Variants in DCN observed in about 807,000 individuals in gnomAD.
DCN encodes bone proteoglycan II.
DCN carries 17 observed loss-of-function variants against 36.5 expected under a neutral mutation model. That is an observed-to-expected ratio of 0.47 (90% CI 0.32 to 0.70). The LOEUF (loss-of-function observed/expected upper bound fraction) is 0.70. DCN is among the 30% of genes least tolerant of loss of function. DCN has a pLI of 0.04. For synonymous variants in DCN, 163 were observed against 161.4 expected (o/e 1.01, Z -0.07); for missense variants, 389 against 430.1 (o/e 0.90, Z 0.84).
At chr12:91,155,018 G>C (rs982495654) in intron 5 of DCN, among the ~76,000 whole-genome samples, 1 of 152,078 alleles carries the variant, frequency 6.6e-6, no homozygotes, top group Non-Finnish European at 1.5e-5. Context: ...TGAGTGATGG[G>C]AGAAAATATC....
intron 2 of DCN, among the ~76,000 whole-genome samples, chr12:91,174,665 T>C (rs552255986): frequency 2.6e-5 from 4 of 152,104 alleles, no homozygotes; most frequent in Admixed American, 6.6e-5. Context: ...GTTTTGAAAG[T>C]TTCAAGGTTA....
intron 1 of DCN, among the ~76,000 whole-genome samples, chr12:91,182,374 A>T (rs1165518423): frequency 1.3e-5 from 2 of 152,100 alleles, no homozygotes; most frequent in African/African-American, 4.8e-5. Flanking sequence ...AAACACAAAA[A>T]CATTAATATA....
At chr12:91,167,402 A>T (rs1160957788) in intron 2 of DCN, among the ~76,000 whole-genome samples, 1 of 152,002 alleles carries the variant, frequency 6.6e-6, no homozygotes, top group Non-Finnish European at 1.5e-5. Flanking sequence ...TCAAAATAAA[A>T]AAAAAACAAT....
At position 91,153,190 on chromosome 12, in the gene DCN, C is replaced by A; in HGVS notation, c.653-1G>T. The A allele has an allele frequency of 6.4e-7, 1 of 1,556,774 alleles. No individual in the cohort carries two copies. Among genetic ancestry groups the A allele is most frequent in the Non-Finnish European group, 8.9e-7 (1 of 1,128,008 alleles). On this transcript the variant is annotated splice_acceptor_variant, in intron 5 of 7. Transcript: ENST00000052754. LOFTEE classifies it high-confidence loss of function. ...AATTCCGTAAGGGAAGGAGGAAGAC[C>A]TGGAATGTGGAATTAAAGATGTTAA... is the stretch of plus-strand genomic sequence containing the variant.
chr12:91,167,085 G>T (rs992057949), intron 2 of DCN, among the ~76,000 whole-genome samples: 7 of 152,094 alleles, frequency 4.6e-5, no homozygotes, highest in Non-Finnish European at 1.0e-4. Flanking sequence ...ATGACAAAAT[G>T]TGGATTAGAT....
At chr12:91,159,889 G>A (rs539401709) in intron 3 of DCN, among the ~76,000 whole-genome samples, 4 of 151,958 alleles carry the variant, frequency 2.6e-5, no homozygotes, top group East Asian at 3.9e-4. Flanking sequence ...TATATGTTTC[G>A]CATATATGAA....
chr12:91,146,019 G>C lies in DCN; in HGVS notation c.*39C>G. 6.6e-7 allele frequency: 1 copy of C among 1,517,734 alleles called. No individual in the cohort carries two copies. The highest frequency in any genetic ancestry group is 1.1e-5 in the South Asian group (1 of 89,070). 94.0% of individuals were successfully genotyped at this position (1,517,734 alleles called of 1,614,324 possible). On this transcript the variant is annotated 3_prime_UTR_variant, in exon 8 of 8. Coordinates refer to ENST00000052754, the MANE Select transcript of DCN (RefSeq NM_001920.5). Reference sequence around the variant, plus strand: ...TATTTTTTAGCAATGACATTAACAAGATTTTGCCAGGTTATAAAAATGAGG... The same window carrying C: ...TATTTTTTAGCAATGACATTAACAACATTTTGCCAGGTTATAAAAATGAGG...
intron 2 of DCN, among the ~76,000 whole-genome samples, chr12:91,165,474 T>G (rs1882497897): frequency 6.6e-6 from 1 of 152,174 alleles, no homozygotes; most frequent in Non-Finnish European, 1.5e-5. Context: ...AATTACCAAA[T>G]GGTCCTGGTA....
chr12:91,178,721 C>A, intron 1 of DCN, 136 bp from the exon 2 acceptor site: 2 of 667,622 alleles, frequency 3.0e-6, no homozygotes, highest in Middle Eastern at 3.5e-4. Flanking sequence ...GGAAGCAGAG[C>A]ATTAAAAATG....
chr12:91,167,052 T>C (rs1000231170), intron 2 of DCN, among the ~76,000 whole-genome samples: 2 of 152,200 alleles, frequency 1.3e-5, no homozygotes, highest in African/African-American at 4.8e-5. Context: ...TTTCATAACA[T>C]GAACAAGCTT....
At position 91,180,551 on chromosome 12, in the gene DCN, T is replaced by G. The variant is rs537645176; in HGVS notation, c.-33-1966A>C. Reference sequence around the variant, plus strand: ...TCTTAGTTTATATTTACTACTGATATGTGTCTAAGGCAGCACATGTTGAAT... The same window carrying G: ...TCTTAGTTTATATTTACTACTGATAGGTGTCTAAGGCAGCACATGTTGAAT... On this transcript the variant is annotated intron_variant, in intron 1 of 7. Coordinates refer to ENST00000052754, the MANE Select transcript of DCN (RefSeq NM_001920.5). 4 of 152,310 alleles carry G rather than the reference T, an allele frequency of 2.6e-5. No individual in the cohort carries two copies. In the South Asian group the frequency reaches 8.3e-4, roughly 32 times the overall value. The allele number at this position is 152,310 out of a possible 1,614,324, so 9.4% of individuals were successfully genotyped here.
intron 2 of DCN, among the ~76,000 whole-genome samples, chr12:91,168,485 G>T (rs1882728358): frequency 1.3e-5 from 2 of 152,130 alleles, no homozygotes; most frequent in Admixed American, 1.3e-4. Context: ...GAGTAAGGAG[G>T]ACTAATTACT....
At position 91,143,918 on chromosome 12, in the gene DCN, C is replaced by A. The variant is rs1398552813; in HGVS notation, c.*2140G>T. The A allele has an allele frequency of 6.6e-6, 1 of 150,640 alleles. No individual in the cohort carries two copies. Among genetic ancestry groups the A allele is most frequent in the Non-Finnish European group, 1.5e-5 (1 of 67,802 alleles). 9.3% of individuals were successfully genotyped at this position (150,640 alleles called of 1,614,324 possible). Reference sequence around the variant, plus strand: ...TAAATATGGGGGGAAGTTGTGTTGACAAGAGTGCTGGAGAATCAGGCCTGT... The same window carrying A: ...TAAATATGGGGGGAAGTTGTGTTGAAAAGAGTGCTGGAGAATCAGGCCTGT... On this transcript the variant is annotated 3_prime_UTR_variant, in exon 8 of 8. Transcript: ENST00000052754.
In DCN at chr12:91,142,837, C is replaced by CA. The variant is rs568018288; in HGVS notation, c.*3220dup. The CA allele has an allele frequency of 3.3e-5, 5 of 151,694 alleles. No individual in the cohort carries two copies. The highest frequency in any genetic ancestry group is 5.9e-5 in the Non-Finnish European group (4 of 67,888). 9.4% of individuals were successfully genotyped at this position (151,694 alleles called of 1,614,324 possible). On this transcript the variant is annotated 3_prime_UTR_variant, in exon 8 of 8. Transcript: ENST00000052754. ...AATCGAACAACAGTTTTAATGAAAA[C>CA]AAAAAAATTAAACATTTAATAAGGA...
intron 5 of DCN, among the ~76,000 whole-genome samples, chr12:91,153,407 A>G (rs1881563007): frequency 6.6e-6 from 1 of 152,050 alleles, no homozygotes; most frequent in Non-Finnish European, 1.5e-5. Context: ...GTTGACTTTA[A>G]CAAAAACCTG....
At chr12:91,175,038 C>T (rs763911155) in intron 2 of DCN, 6 of 151,966 alleles carry the variant, frequency 3.9e-5, no homozygotes, top group Non-Finnish European at 8.8e-5. Flanking sequence ...AAAATCAGAA[C>T]GTTTTAAATT....
At chr12:91,169,937 GCCTGTAGT>G (rs1306931061) in intron 2 of DCN, 1 of 151,982 alleles carries the variant, frequency 6.6e-6, no homozygotes, top group Non-Finnish European at 1.5e-5. Flanking sequence ...GGTGGTGGGT[GCCTGTAGT>G]CCCAGCTACT....
Position 91,143,748 on chromosome 12 carries a change from G to T in DCN, c.*2310C>A, listed in dbSNP as rs770625608. On this transcript the variant is annotated 3_prime_UTR_variant, in exon 8 of 8. Transcript: ENST00000052754. The stretch of plus-strand genomic sequence containing the variant: ...GCAAATAGTAAGTGTCGAAGCCAAA[G>T]AAATCAGCTATATTTATCTTTATTT... 28 of 149,880 alleles carry T rather than the reference G, an allele frequency of 1.9e-4. No homozygotes were observed. Among genetic ancestry groups the T allele is most frequent in the Non-Finnish European group, 3.6e-4 (24 of 67,572 alleles). The allele number at this position is 149,880 out of a possible 1,614,324, so 9.3% of individuals were successfully genotyped here.
intron 7 of DCN, among the ~76,000 whole-genome samples, chr12:91,149,476 C>A (rs2121157030): frequency 6.6e-6 from 1 of 152,248 alleles, no homozygotes; most frequent in East Asian, 1.9e-4. Context: ...CTATAGAAGA[C>A]CTGTGGCTAA....
Sources: gnomAD v4.1 joint callset for allele counts (sites outside exome capture counted in the v4.1 genomes callset) on GRCh38, gnomAD v4.1.1 for gene constraint, MANE v1.5 for transcripts, NCBI Gene and HGNC (gene_info 2026-07-23, HGNC 2026-07-21) for gene names.